LBP: variants seen among roughly 807,000 people sequenced by gnomAD.
LBP encodes the protein lipopolysaccharide binding protein.
A neutral mutation model predicts 56.6 loss-of-function variants in LBP; 53 were observed. That is an observed-to-expected ratio of 0.94 (90% confidence interval 0.75 to 1.18). The LOEUF is 1.18. Ranked by LOEUF, LBP falls within the 50% of genes most tolerant of loss-of-function variation. LBP has a pLI of 0.00. For synonymous variants in LBP, 227 were observed against 247.5 expected, an observed-to-expected ratio of 0.92 and a Z score of 0.78; for missense variants, 601 against 598.3, an observed-to-expected ratio of 1.00 and a Z score of -0.05.
At chr20:38,354,249 T>G in intron 3 of LBP, 35 bp from the exon 4 acceptor site, 1 of 1,591,384 alleles carries the variant, frequency 6.3e-7, no homozygotes, top group Non-Finnish European at 8.6e-7. Flanking sequence ...ACCCCTGGTC[T>G]AGGAACTAAC....
chr20:38,367,451 C>A (rs1475946169), intron 9 of LBP, among the ~76,000 whole-genome samples: 1 of 151,948 alleles, frequency 6.6e-6, no homozygotes, highest in African/African-American at 2.4e-5. Context: ...GAGACCCTGT[C>A]TCAAAAAAAA....
At chr20:38,371,443 C>T (rs1284766821) in intron 12 of LBP, 121 bp downstream of exon 12, 1 of 749,060 alleles carries the variant, frequency 1.3e-6, no homozygotes, top group East Asian at 2.7e-5. Context: ...TTTTGCCCTG[C>T]AGAAGTGTAA....
Position 38,357,731 on chromosome 20 carries a change from G to T in LBP, c.588+2322G>T, listed in dbSNP as rs568787508. On this transcript the variant is annotated intron_variant, in intron 5 of 14. Transcript: ENST00000217407. ...GGCTGCTCAGTCGCGTATACTTGTG[G>T]TTATTTCTTGAGTCTGTGCTAAAGG... 1.6e-4 allele frequency among the ~76,000 whole-genome samples: 24 copies of T among 152,328 alleles called. No homozygotes were observed. In the South Asian group the frequency reaches 4.6e-3, roughly 29 times the overall value.
At chr20:38,358,498 C>T (rs775137056) in intron 5 of LBP, among the ~76,000 whole-genome samples, 4 of 152,158 alleles carry the variant, frequency 2.6e-5, no homozygotes, top group Non-Finnish European at 4.4e-5. Flanking sequence ...AAGAAAGGAG[C>T]GGTCTTCAGG....
At chr20:38,365,263 C>G (rs960460740) in intron 8 of LBP, among the ~76,000 whole-genome samples, 2 of 150,370 alleles carry the variant, frequency 1.3e-5, no homozygotes, top group African/African-American at 2.5e-5. Context: ...AGCTCTTCCT[C>G]CCTTATAACA....
chr20:38,363,587 C>T (rs1052737578), intron 6 of LBP, among the ~76,000 whole-genome samples: 3 of 152,192 alleles, frequency 2.0e-5, no homozygotes, highest in African/African-American at 4.8e-5. Flanking sequence ...TTGGAACATT[C>T]ATCCATTCAG....
In LBP at chr20:38,355,756, G is replaced by A. The variant is rs6025119; in HGVS notation, c.588+347G>A. On this transcript the variant is annotated intron_variant, in intron 5 of 14. Coordinates refer to ENST00000217407, the MANE Select transcript of LBP (RefSeq NM_004139.5). ...TCCGAAAGGAAACCATTCCTCAGGC[G>A]CCTGCAAGAGACCAGGCAGGAAAGC... 4.4e-3 allele frequency among the ~76,000 whole-genome samples: 676 copies of A among 152,134 alleles called. 9 individuals are homozygous for A. Among genetic ancestry groups the A allele is most frequent in the African/African-American group, 0.016 (649 of 41,472 alleles).
intron 1 of LBP, among the ~76,000 whole-genome samples, chr20:38,346,874 G>T (rs779274264): frequency 6.6e-6 from 1 of 152,218 alleles, no homozygotes; most frequent in East Asian, 1.9e-4. Flanking sequence ...ACAGCTTTGC[G>T]TGCAAGTAGT....
At position 38,354,418 on chromosome 20, in the gene LBP, T is replaced by A; in HGVS notation, c.503T>A (p.Val168Glu). ...SCSSDIADVEVDMSGDLGWLL... is the reference protein window; with the variant it reads ...SCSSDIADVEEDMSGDLGWLL... ...AGCAGTGACATCGCTGACGTGGAGG[T>A]GGACATGTCGGGAGACTTGGGGTAG... The change falls in exon 4 of 15, where the codon GTG becomes GAG. Residue 168 changes from valine to glutamate, a missense_variant. Coordinates refer to ENST00000217407, the MANE Select transcript of LBP (RefSeq NM_004139.5). The A allele has an allele frequency of 6.2e-7, 1 of 1,612,630 alleles. No individual in the cohort carries two copies. The highest frequency in any genetic ancestry group is 8.5e-7 in the Non-Finnish European group (1 of 1,179,628).
chr20:38,376,169 T>C (rs1471941678), intron 14 of LBP, among the ~76,000 whole-genome samples: 1 of 152,182 alleles, frequency 6.6e-6, no homozygotes, highest in Non-Finnish European at 1.5e-5. Flanking sequence ...ATAATATTCA[T>C]TAGAATTTTG....
chr20:38,355,436 C>G, intron 5 of LBP, 27 bp downstream of exon 5: 1 of 1,606,242 alleles, frequency 6.2e-7, no homozygotes, highest in Non-Finnish European at 8.5e-7. Flanking sequence ...CTCTGGCCTC[C>G]CCCGAGCTTG....
chr20:38,349,353 CACAGAAATGCAGGG>C (rs1439388529), intron 1 of LBP, among the ~76,000 whole-genome samples, 181 bp from the exon 2 acceptor site: 1 of 152,158 alleles, frequency 6.6e-6, no homozygotes, highest in Non-Finnish European at 1.5e-5. Context: ...CTAACAATGC[CACAGAAATGCAGGG>C]ACACCTCTGA....
Position 38,376,703 on chromosome 20 carries a change from G to A in LBP, c.*34G>A. The A allele has an allele frequency of 6.3e-7, 1 of 1,585,104 alleles. No individual in the cohort carries two copies. Among genetic ancestry groups the A allele is most frequent in the Admixed American group, 1.7e-5 (1 of 60,006 alleles). ...AAGATGAAGCTTGGAGGTCACAGCT[G>A]GATCTGCTTGTTGCATTTCCAGCTG... On this transcript the variant is annotated 3_prime_UTR_variant, in exon 15 of 15. Transcript: ENST00000217407.
chr20:38,350,794 C>A lies in LBP; in HGVS notation c.240-17C>A. The stretch of plus-strand genomic sequence containing the variant: ...CAGGCCCAGGGCTGACACCTCCTTC[C>A]ATGTCTCTCCCTTCAGCCTGAACAT... On this transcript the variant is annotated splice_polypyrimidine_tract_variant and intron_variant, in intron 2 of 14. Coordinates refer to ENST00000217407, the MANE Select transcript of LBP (RefSeq NM_004139.5). 6.3e-7 allele frequency: 1 copy of A among 1,595,438 alleles called. No homozygotes were observed. Among genetic ancestry groups the A allele is most frequent in the Non-Finnish European group, 8.6e-7 (1 of 1,166,864 alleles).
intron 5 of LBP, among the ~76,000 whole-genome samples, chr20:38,355,644 T>C (rs1432186768): frequency 6.6e-6 from 1 of 152,128 alleles, no homozygotes; most frequent in Non-Finnish European, 1.5e-5. Flanking sequence ...GACCAAGGGT[T>C]AAACAGCAGG....
At chr20:38,354,706 A>C (rs1212591442) in intron 4 of LBP, among the ~76,000 whole-genome samples, 2 of 152,072 alleles carry the variant, frequency 1.3e-5, no homozygotes, top group Admixed American at 6.5e-5. Flanking sequence ...GGAACACAGA[A>C]ACTTTGGTTG....
chr20:38,374,782 T>TA (rs1467135220), intron 14 of LBP, among the ~76,000 whole-genome samples: 1 of 121,600 alleles, frequency 8.2e-6, no homozygotes, highest in East Asian at 2.0e-4. Context: ...CAACCATATA[T>TA]ACTTTTTTTT....
At chr20:38,349,504 A>C (rs2076812739) in intron 1 of LBP, 44 bp from the exon 2 acceptor site, 1 of 1,432,938 alleles carries the variant, frequency 7.0e-7, no homozygotes, top group Non-Finnish European at 9.6e-7. Flanking sequence ...GCAGGGGAGG[A>C]GGCAGGCAGA....
intron 6 of LBP, among the ~76,000 whole-genome samples, chr20:38,363,097 G>A (rs976748172): frequency 6.6e-6 from 1 of 152,174 alleles, no homozygotes; most frequent in African/African-American, 2.4e-5. Flanking sequence ...AAGGCCATCT[G>A]GGGGGTGTTC....
Sources: gnomAD v4.1 joint callset for allele counts (sites outside exome capture counted in the v4.1 genomes callset) on GRCh38, gnomAD v4.1.1 for gene constraint, MANE v1.5 for transcripts, NCBI Gene and HGNC (gene_info 2026-07-23, HGNC 2026-07-21) for gene names.